ARHGAP42: variants seen among roughly 807,000 people sequenced by gnomAD.
The protein encoded by ARHGAP42 is Rho GTPase activating protein 42.
ARHGAP42 carries 63 observed loss-of-function variants against 125.0 expected under a neutral mutation model. The observed-to-expected ratio is 0.50, with a 90% CI of 0.41 to 0.62. ARHGAP42 has a LOEUF of 0.62. Among genes scored for constraint, ARHGAP42 ranks in the 20% least tolerant of loss-of-function variants. The probability of loss-of-function intolerance (pLI) is 0.00; values close to 1 mark genes in which losing one functional copy is unlikely to be tolerated. For synonymous variants in ARHGAP42, 339 were observed against 351.0 expected (o/e 0.97, Z 0.38); for missense variants, 766 against 1,024.2 (o/e 0.75, Z 3.44).
chr11:100,972,607 G>A (rs1225064529), intron 17 of ARHGAP42, among the ~76,000 whole-genome samples: 1 of 152,124 alleles, frequency 6.6e-6, no homozygotes, highest in Non-Finnish European at 1.5e-5. Context: ...GGAGCTCAAG[G>A]AACCCACTGA....
intron 4 of ARHGAP42, among the ~76,000 whole-genome samples, chr11:100,876,836 A>G (rs1284183113): frequency 1.3e-5 from 2 of 152,182 alleles, no homozygotes; most frequent in Non-Finnish European, 2.9e-5. Flanking sequence ...TTTAGAGTTG[A>G]TTTTACGTCT....
At chr11:100,928,364 G>T (rs1055232500) in intron 6 of ARHGAP42, among the ~76,000 whole-genome samples, 1 of 152,132 alleles carries the variant, frequency 6.6e-6, no homozygotes, top group Non-Finnish European at 1.5e-5. Context: ...GAGAGGCCGA[G>T]GCGGGAGGAT....
rs1867632221 is a variant in ARHGAP42 at position 100,933,140 on chromosome 11, C to T, written c.598-16C>T. 6.6e-7 allele frequency: 1 copy of T among 1,506,444 alleles called. No homozygotes were observed. The allele number at this position is 1,506,444 out of a possible 1,614,324, so 93.3% of individuals were successfully genotyped here. On this transcript the variant is annotated splice_polypyrimidine_tract_variant and intron_variant, in intron 6 of 23. Coordinates refer to ENST00000298815, the MANE Select transcript of ARHGAP42 (RefSeq NM_152432.4). ...AAACACATTTTCATGGTTTCTTTAT[C>T]TCTTTATCTTTGCAGCTTTTGTCAT...
At chr11:100,770,846 T>C (rs1862957799) in intron 2 of ARHGAP42, among the ~76,000 whole-genome samples, 2 of 152,236 alleles carry the variant, frequency 1.3e-5, no homozygotes, top group Admixed American at 1.3e-4. Context: ...CCCAAAGTGT[T>C]GGGATTACTG....
chr11:100,837,820 GT>G (rs1864846399), intron 3 of ARHGAP42, among the ~76,000 whole-genome samples: 1 of 150,216 alleles, frequency 6.7e-6, no homozygotes. Context: ...AGTCAGTTAA[GT>G]TTTTGGCCAT....
At chr11:100,696,751 A>G (rs1030039505) in intron 1 of ARHGAP42, among the ~76,000 whole-genome samples, 3 of 152,006 alleles carry the variant, frequency 2.0e-5, no homozygotes, top group Non-Finnish European at 2.9e-5. Flanking sequence ...ATCATAGTGC[A>G]CTACCGCCTC....
rs529239065 is a variant in ARHGAP42 at position 100,948,331 on chromosome 11, T to C, written c.1044-126T>C. ...TTTCTTTTTTAGAAAAATTCCTATG[T>C]TTTTCTCCTCTGTCTTCATTTCTCT... On this transcript the variant is annotated intron_variant, in intron 10 of 23. Transcript: ENST00000298815. 11 of 706,186 alleles carry C rather than the reference T, an allele frequency of 1.6e-5. No individual in the cohort carries two copies. In the African/African-American group the frequency reaches 1.6e-4, roughly 10 times the overall value. The allele number at this position is 706,186 out of a possible 1,614,324, so 43.7% of individuals were successfully genotyped here.
At chr11:100,827,002 CTTT>C (rs869260353) in intron 3 of ARHGAP42, among the ~76,000 whole-genome samples, 91 of 80,882 alleles carry the variant, frequency 1.1e-3, no homozygotes, top group South Asian at 6.6e-3. Context: ...GCCTTACATC[CTTT>C]TTTTTTTTTT....
intron 8 of ARHGAP42, among the ~76,000 whole-genome samples, chr11:100,939,169 G>A (rs1259071617): frequency 6.6e-6 from 1 of 152,078 alleles, no homozygotes; most frequent in African/African-American, 2.4e-5. Flanking sequence ...GAAGAGCCAG[G>A]GGTTCCAGAG....
intron 3 of ARHGAP42, among the ~76,000 whole-genome samples, chr11:100,837,666 C>CTATTTT (rs1555008871): frequency 1.3e-4 from 8 of 61,066 alleles, no homozygotes; most frequent in African/African-American, 4.9e-4. Context: ...AGGTGTCATC[C>CTATTTT]TTTTTTTTTT....
chr11:100,752,770 C>A (rs12279270), intron 1 of ARHGAP42, among the ~76,000 whole-genome samples: 2,019 of 152,332 alleles, frequency 0.013, 60 homozygotes, highest in African/African-American at 0.046. Context: ...TAGTAATGAA[C>A]TTGTCCTGTG....
chr11:100,962,508 G>A, intron 16 of ARHGAP42, 41 bp downstream of exon 16: 1 of 1,460,120 alleles, frequency 6.8e-7, no homozygotes. Context: ...AATTGATGTA[G>A]TTTTATGCTG....
chr11:100,699,729 G>A (rs894525832), intron 1 of ARHGAP42, among the ~76,000 whole-genome samples: 1 of 151,340 alleles, frequency 6.6e-6, no homozygotes, highest in Non-Finnish European at 1.5e-5. Flanking sequence ...CACCATGTTG[G>A]CCAGGCTGGT....
intron 4 of ARHGAP42, among the ~76,000 whole-genome samples, chr11:100,879,440 T>A (rs748689152): frequency 1.3e-5 from 2 of 152,214 alleles, no homozygotes; most frequent in Admixed American, 6.5e-5. Flanking sequence ...TCTAGCTAGA[T>A]TCTAACTGTA....
chr11:100,984,244 T>C (rs1565307381), intron 22 of ARHGAP42, among the ~76,000 whole-genome samples: 2 of 152,132 alleles, frequency 1.3e-5, no homozygotes, highest in Non-Finnish European at 2.9e-5. Context: ...GTAAACTTTT[T>C]GTCTTACGCA....
In ARHGAP42 at chr11:100,921,538, A is replaced by G; in HGVS notation, c.531A>G (p.Ala177=). The change falls in exon 6 of 24, where the codon GCA becomes GCG. Residue 177 remains alanine, a synonymous_variant. Coordinates refer to ENST00000298815, the MANE Select transcript of ARHGAP42 (RefSeq NM_152432.4). ...GAGAACATCAGAACTTCTATGAAGC[A>G]TCATTAGAATATGTCTTTAAAATTC... is the stretch of plus-strand genomic sequence containing the variant. ...IDREHQNFYE[A]SLEYVFKIQE... is the part of the protein sequence containing the mutation. 1 of 1,547,688 alleles carries G rather than the reference A, an allele frequency of 6.5e-7. No homozygotes were observed. The highest frequency in any genetic ancestry group is 8.7e-7 in the Non-Finnish European group (1 of 1,145,284).
At chr11:100,751,949 T>TTGG (rs1164603512) in intron 1 of ARHGAP42, among the ~76,000 whole-genome samples, 2 of 151,814 alleles carry the variant, frequency 1.3e-5, no homozygotes, top group East Asian at 3.9e-4. Context: ...CCAGCTAATT[T>TTGG]TGGTATTTTT....
chr11:100,896,954 AG>A (rs1349790677), intron 4 of ARHGAP42, among the ~76,000 whole-genome samples: 1 of 152,156 alleles, frequency 6.6e-6, no homozygotes, highest in African/African-American at 2.4e-5. Context: ...GTTTTCTTCT[AG>A]GGATTTTATG....
chr11:100,758,099 A>G (rs1254970053), intron 1 of ARHGAP42, among the ~76,000 whole-genome samples: 3 of 152,216 alleles, frequency 2.0e-5, no homozygotes, highest in African/African-American at 7.2e-5. Context: ...TATAATAGTG[A>G]AGACCCAAAT....
Sources: gnomAD v4.1 joint callset for allele counts (sites outside exome capture counted in the v4.1 genomes callset) on GRCh38, gnomAD v4.1.1 for gene constraint, MANE v1.5 for transcripts, NCBI Gene and HGNC (gene_info 2026-07-23, HGNC 2026-07-21) for gene names.